The following BLTP3B variants were observed in gnomAD, a reference collection of about 807,000 sequenced individuals.
BLTP3B encodes the protein UHRF1 (ICBP90) binding protein 1-like.
chr12:100,086,916 T>C, the BLTP3B span, among the ~76,000 whole-genome samples: 1 of 152,096 alleles, frequency 6.6e-6, no homozygotes, highest in Non-Finnish European at 1.5e-5. Context: ...ATCCCAGCAC[T>C]TTGGGAGGCC....
chr12:100,037,889 A>G, the BLTP3B span: 1 of 723,130 alleles, frequency 1.4e-6, no homozygotes, highest in Non-Finnish European at 2.1e-6. Flanking sequence ...ACTTAAGCTG[A>G]AAACTGCTTT....
the BLTP3B span, among the ~76,000 whole-genome samples, chr12:100,077,899 C>T: frequency 6.6e-6 from 1 of 151,920 alleles, no homozygotes; most frequent in Non-Finnish European, 1.5e-5. Flanking sequence ...CACAGTATAG[C>T]CAATACAGTA....
chr12:100,142,616 T>C, the BLTP3B span: 1 of 1,608,706 alleles, frequency 6.2e-7, no homozygotes, highest in Non-Finnish European at 8.5e-7. Flanking sequence ...CAAGATTTGT[T>C]TCTTGATGAT....
At chr12:100,085,980 A>G in the BLTP3B span, among the ~76,000 whole-genome samples, 1 of 152,136 alleles carries the variant, frequency 6.6e-6, no homozygotes, top group South Asian at 2.1e-4. Flanking sequence ...AAAACAGCAC[A>G]AACACATGTC....
chr12:100,037,087 A>G, the BLTP3B span: 1 of 881,984 alleles, frequency 1.1e-6, no homozygotes. Flanking sequence ...CAAACCCATT[A>G]ATTATATAGT....
At chr12:100,100,333 T>A in the BLTP3B span, among the ~76,000 whole-genome samples, 13 of 151,766 alleles carry the variant, frequency 8.6e-5, no homozygotes, top group East Asian at 5.8e-4. Flanking sequence ...AATAATTTTT[T>A]AAAAAAACGC....
At chr12:100,125,714 T>C in the BLTP3B span, among the ~76,000 whole-genome samples, 9 of 152,310 alleles carry the variant, frequency 5.9e-5, no homozygotes, top group Admixed American at 5.2e-4. Flanking sequence ...ACTAGACATA[T>C]ATCCTTCATA....
chr12:100,133,581 T>C, the BLTP3B span, among the ~76,000 whole-genome samples: 20 of 152,304 alleles, frequency 1.3e-4, no homozygotes, highest in South Asian at 4.1e-3. Context: ...GGGTACTGGA[T>C]CAGTGACTTT....
chr12:100,055,691 A>AG, the BLTP3B span, among the ~76,000 whole-genome samples: 1 of 151,840 alleles, frequency 6.6e-6, no homozygotes, highest in East Asian at 1.9e-4. Flanking sequence ...AAAAAAAAAA[A>AG]AAAAAGAATA....
At chr12:100,062,310 T>C in the BLTP3B span, among the ~76,000 whole-genome samples, 2 of 152,228 alleles carry the variant, frequency 1.3e-5, no homozygotes, top group Non-Finnish European at 2.9e-5. Context: ...TTCTTCTTTA[T>C]TGTTAAAATA....
the BLTP3B span, among the ~76,000 whole-genome samples, chr12:100,136,512 C>CAT: frequency 1.8e-4 from 27 of 151,556 alleles, no homozygotes; most frequent in South Asian, 6.2e-4. Context: ...CACTATGTGG[C>CAT]ATATATATAT....
At chr12:100,039,420 A>G in the BLTP3B span, among the ~76,000 whole-genome samples, 900 of 152,238 alleles carry the variant, frequency 5.9e-3, 9 homozygotes, top group African/African-American at 0.02. Context: ...AAGGTATTAA[A>G]TTTTTCTTTA....
At chr12:100,057,808 C>T in the BLTP3B span, 1 of 1,449,464 alleles carries the variant, frequency 6.9e-7, no homozygotes, top group Non-Finnish European at 9.2e-7. Context: ...CTAAAAAATA[C>T]TTCTAAGAGA....
chr12:100,128,009 T>C, the BLTP3B span, among the ~76,000 whole-genome samples: 1 of 151,688 alleles, frequency 6.6e-6, no homozygotes, highest in Non-Finnish European at 1.5e-5. Flanking sequence ...CAACACCTTT[T>C]CCCCCCACCA....
chr12:100,118,737 T>A, the BLTP3B span, among the ~76,000 whole-genome samples: 24 of 152,326 alleles, frequency 1.6e-4, no homozygotes, highest in Non-Finnish European at 2.8e-4. Flanking sequence ...AAGCTTATTT[T>A]TAAAAAATCA....
the BLTP3B span, chr12:100,072,702 A>C: frequency 6.3e-7 from 1 of 1,585,752 alleles, no homozygotes; most frequent in Non-Finnish European, 8.5e-7. Flanking sequence ...GGATAGTAAT[A>C]TTCTGTGAAT....
At chr12:100,132,668 CG>C in the BLTP3B span, among the ~76,000 whole-genome samples, 1 of 152,032 alleles carries the variant, frequency 6.6e-6, no homozygotes, top group African/African-American at 2.4e-5. Context: ...ATTTTTTGGC[CG>C]GGTGTGGTGA....
chr12:100,141,005 G>T, the BLTP3B span, among the ~76,000 whole-genome samples: 2 of 151,682 alleles, frequency 1.3e-5, no homozygotes, highest in Non-Finnish European at 2.9e-5. Flanking sequence ...ATCATCCTTG[G>T]ACGAGTGAGA....
At chr12:100,098,666 C>T in the BLTP3B span, 1 of 973,564 alleles carries the variant, frequency 1.0e-6, no homozygotes, top group East Asian at 2.7e-5. Context: ...CTTTGGGAGG[C>T]TGAGGCAGGC....
Sources: allele counts gnomAD v4.1 joint callset (sites outside exome capture counted in the v4.1 genomes callset), GRCh38; gene constraint gnomAD v4.1.1; transcripts MANE v1.5; gene names NCBI Gene and HGNC (gene_info 2026-07-23, HGNC 2026-07-21).